SPATA13: variants seen among roughly 807,000 people sequenced by gnomAD.
SPATA13 encodes the protein spermatogenesis associated 13, also known as spermatogenesis-associated protein 13.
A neutral mutation model predicts 104.0 loss-of-function variants in SPATA13; 50 were observed. That is an observed-to-expected ratio of 0.48 (90% CI 0.38 to 0.61). The LOEUF is 0.61. Ranked by LOEUF, SPATA13 falls within the 20% of genes least tolerant of loss-of-function variation. The pLI is 0.00. For missense variants in SPATA13, 1,524 were observed against 1,690.6 expected (o/e 0.90, Z 1.73); for synonymous variants, 606 against 667.5 (o/e 0.91, Z 1.42).
At chr13:24,272,064 C>G (rs888147225) in intron 4 of SPATA13, among the ~76,000 whole-genome samples, 3 of 152,368 alleles carry the variant, frequency 2.0e-5, no homozygotes, top group Admixed American at 1.3e-4. Context: ...ACTGGCAAGA[C>G]CTGGGTGGAG....
chr13:24,129,948 C>A (rs1030336303), intron 3 of SPATA13, among the ~76,000 whole-genome samples: 1 of 152,188 alleles, frequency 6.6e-6, no homozygotes, highest in African/African-American at 2.4e-5. Flanking sequence ...GTACTGCTCC[C>A]GGGTGGAGAA....
At chr13:24,016,409 T>A (rs2137693249) in intron 2 of SPATA13, among the ~76,000 whole-genome samples, 1 of 152,344 alleles carries the variant, frequency 6.6e-6, no homozygotes, top group Middle Eastern at 3.4e-3. Flanking sequence ...CACATCAGTT[T>A]TCTTTAATTG....
chr13:24,158,959 A>G (rs1253245001), upstream of SPATA13, among the ~76,000 whole-genome samples: 1 of 152,250 alleles, frequency 6.6e-6, no homozygotes, highest in Non-Finnish European at 1.5e-5. Context: ...TTTCAAATAT[A>G]GTGCTTTCTT....
intron 7 of SPATA13, among the ~76,000 whole-genome samples, chr13:24,288,606 A>G (rs1355001127): frequency 6.6e-6 from 1 of 152,198 alleles, no homozygotes; most frequent in Non-Finnish European, 1.5e-5. Flanking sequence ...ACAGAGCTGC[A>G]TGGGCTATTC....
At chr13:24,057,547 A>G (rs997877311) in intron 3 of SPATA13, among the ~76,000 whole-genome samples, 8 of 152,170 alleles carry the variant, frequency 5.3e-5, no homozygotes, top group Non-Finnish European at 1.0e-4. Context: ...GACCAAAGGC[A>G]CTGAAAGGAC....
chr13:24,293,230 GA>G (rs528492219), intron 9 of SPATA13, among the ~76,000 whole-genome samples: 71 of 130,622 alleles, frequency 5.4e-4, no homozygotes, highest in Middle Eastern at 4.0e-3. Flanking sequence ...AAGTTCAGTG[GA>G]AAAAAAAAAA....
At chr13:24,222,200 C>T (rs943128437) in intron 1 of SPATA13, among the ~76,000 whole-genome samples, 7 of 152,178 alleles carry the variant, frequency 4.6e-5, no homozygotes, top group African/African-American at 9.7e-5. Context: ...GTGTTTCCTT[C>T]TCAGAGGCTG....
chr13:24,046,223 G>C (rs1878137359), intron 3 of SPATA13, among the ~76,000 whole-genome samples: 1 of 151,406 alleles, frequency 6.6e-6, no homozygotes, highest in Non-Finnish European at 1.5e-5. Flanking sequence ...TCCTCCTCCT[G>C]TCACCTCCTA....
intron 2 of SPATA13, among the ~76,000 whole-genome samples, chr13:24,246,635 G>A (rs1411554331): frequency 6.6e-5 from 10 of 152,130 alleles, no homozygotes; most frequent in Admixed American, 6.6e-4. Flanking sequence ...TGCAGTGGGT[G>A]GATCATGAGG....
At chr13:24,287,825 A>G (rs1186480702) in intron 7 of SPATA13, among the ~76,000 whole-genome samples, 4 of 152,204 alleles carry the variant, frequency 2.6e-5, no homozygotes, top group Non-Finnish European at 5.9e-5. Flanking sequence ...TTGTGCTTCT[A>G]TGGATTGTGT....
At chr13:23,989,546 T>C (rs1319526394) in intron 2 of SPATA13, among the ~76,000 whole-genome samples, 3 of 152,202 alleles carry the variant, frequency 2.0e-5, no homozygotes, top group East Asian at 1.9e-4. Flanking sequence ...GCTAAGCTCA[T>C]GCAGCTAACT....
chr13:24,138,573 G>T (rs944896831), intron 3 of SPATA13, among the ~76,000 whole-genome samples: 5 of 151,898 alleles, frequency 3.3e-5, no homozygotes, highest in Admixed American at 2.0e-4. Flanking sequence ...TGTTGGAAAA[G>T]ATCTTTTTTT....
chr13:24,300,420 C>A lies in SPATA13; in HGVS notation c.3603C>A (p.Asn1201Lys), dbSNP rs1462043940. Residue 1201 changes from asparagine to lysine, a missense_variant, in exon 12 of 13, where the codon AAC becomes AAA. Transcript: ENST00000382108. Reference sequence around the variant, plus strand: ...ATGCAGGAATGGAAATTTCAGAAAACCAGAAGAAACTTGCCATGTTAAATG... The same window carrying A: ...ATGCAGGAATGGAAATTTCAGAAAAACAGAAGAAACTTGCCATGTTAAATG... ...DKEMGMEISE[N>K]QKKLAMLNAQ... 2 of 1,613,004 alleles carry A rather than the reference C, an allele frequency of 1.2e-6. No individual in the cohort carries two copies. Among genetic ancestry groups the A allele is most frequent in the Non-Finnish European group, 1.7e-6 (2 of 1,179,710 alleles).
intron 2 of SPATA13, among the ~76,000 whole-genome samples, chr13:24,243,211 C>A (rs1174815566): frequency 6.6e-6 from 1 of 152,208 alleles, no homozygotes; most frequent in Non-Finnish European, 1.5e-5. Flanking sequence ...TCACACTCAT[C>A]CTCTTAATTG....
intron 4 of SPATA13, among the ~76,000 whole-genome samples, chr13:24,263,922 G>T (rs564422997): frequency 6.6e-6 from 1 of 152,326 alleles, no homozygotes; most frequent in South Asian, 2.1e-4. Flanking sequence ...AGAGTCCGAA[G>T]GAATTTAGAA....
At chr13:24,201,544 G>T (rs1331202080) in intron 1 of SPATA13, among the ~76,000 whole-genome samples, 1 of 152,086 alleles carries the variant, frequency 6.6e-6, no homozygotes, top group African/African-American at 2.4e-5. Context: ...AGGTTCAAGC[G>T]ATTCTCCTGC....
intron 1 of SPATA13, among the ~76,000 whole-genome samples, chr13:24,209,072 G>A (rs1322703806): frequency 1.3e-5 from 2 of 152,148 alleles, no homozygotes; most frequent in Non-Finnish European, 1.5e-5. Flanking sequence ...CTGTTGATGA[G>A]CTCTCAGCAC....
chr13:24,140,056 G>A (rs1219286427), intron 3 of SPATA13, among the ~76,000 whole-genome samples: 2 of 146,488 alleles, frequency 1.4e-5, no homozygotes, highest in South Asian at 2.2e-4. Flanking sequence ...GTGACAGAGT[G>A]AGACTCCGTC....
At chr13:24,114,471 CA>C (rs1471289689) in intron 3 of SPATA13, among the ~76,000 whole-genome samples, 2 of 151,916 alleles carry the variant, frequency 1.3e-5, no homozygotes, top group African/African-American at 4.9e-5. Context: ...GAGAGCTGGC[CA>C]GCACACACTT....
Sources: allele counts gnomAD v4.1 joint callset (sites outside exome capture counted in the v4.1 genomes callset), GRCh38; gene constraint gnomAD v4.1.1; transcripts MANE v1.5; gene names NCBI Gene and HGNC (gene_info 2026-07-23, HGNC 2026-07-21).